Variants in WNK1 observed in about 807,000 individuals in gnomAD.
WNK1 encodes serine/threonine-protein kinase WNK1.
Under a neutral mutation model 222.8 loss-of-function variants are expected in WNK1, and 38 were observed. That is an observed-to-expected ratio of 0.17 (90% confidence interval 0.13 to 0.22). The LOEUF (loss-of-function observed/expected upper bound fraction) is 0.22, where lower values mean the gene tolerates loss of function less well. Among genes scored for constraint, WNK1 ranks in the 10% least tolerant of loss-of-function variants. The pLI is 1.00. For synonymous variants in WNK1, 1,090 were observed against 1,092.9 expected (o/e 1.00, Z 0.05); for missense variants, 2,348 against 2,918.4 (o/e 0.80, Z 4.50).
intron 4 of WNK1, among the ~76,000 whole-genome samples, chr12:832,353 G>T (rs764137080): frequency 6.6e-6 from 1 of 152,186 alleles, no homozygotes; most frequent in Non-Finnish European, 1.5e-5. Context: ...GGAATTACAG[G>T]CATGAGCCAG....
At chr12:810,717 C>T (rs897980984) in intron 1 of WNK1, among the ~76,000 whole-genome samples, 24 of 152,136 alleles carry the variant, frequency 1.6e-4, no homozygotes, top group Admixed American at 1.2e-3. Context: ...TTCTTAAAAG[C>T]AAGGGACGGA....
chr12:893,823 A>AATAATAATAATAATAATAATAAT (rs142028560), intron 22 of WNK1, among the ~76,000 whole-genome samples: 2 of 143,788 alleles, frequency 1.4e-5, no homozygotes, highest in Non-Finnish European at 3.0e-5. Context: ...ACTCCATCTC[A>AATAATAATAATAATAATAATAAT]AATAATAATA....
intron 1 of WNK1, among the ~76,000 whole-genome samples, chr12:798,144 G>T (rs67969314): frequency 0.63 from 95,899 of 151,348 alleles, 31,212 homozygotes; most frequent in East Asian, 0.87. Context: ...CTGCTTCCTG[G>T]TTTTCCTGTC....
chr12:829,496 A>G (rs1325244710), intron 3 of WNK1, among the ~76,000 whole-genome samples: 1 of 152,216 alleles, frequency 6.6e-6, no homozygotes, highest in African/African-American at 2.4e-5. Context: ...AAGTGAAACT[A>G]ATTAGATTGA....
Position 885,805 on chromosome 12 carries a change from C to T in WNK1, c.5001C>T (p.Ser1667=), listed in dbSNP as rs187067527. ...EKLRSLFSEH[S]SSGAQHASVS... ...TGCGGTCTCTGTTCAGTGAACACAG[C>T]TCATCTGGAGCTCAGCATGCCTCTG... is the stretch of plus-strand genomic sequence containing the variant. Residue 1667 remains serine (S), a synonymous_variant, in exon 19 of 28, where the codon AGC becomes AGT. Coordinates refer to ENST00000315939, the MANE Select transcript of WNK1 (RefSeq NM_018979.4). 171 of 1,614,218 alleles carry T rather than the reference C, an allele frequency of 1.1e-4. 1 individual carries two copies. In the East Asian group the frequency reaches 3.0e-3, roughly 28 times the overall value.
intron 8 of WNK1, among the ~76,000 whole-genome samples, chr12:863,636 A>T (rs912683689): frequency 5.3e-5 from 8 of 152,268 alleles, no homozygotes; most frequent in African/African-American, 1.9e-4. Context: ...GTAGAATGAC[A>T]TGAAGATATT....
chr12:793,188 C>G (rs1344826129), intron 1 of WNK1, among the ~76,000 whole-genome samples: 1 of 152,190 alleles, frequency 6.6e-6, no homozygotes, highest in Non-Finnish European at 1.5e-5. Context: ...GTAAAAATGA[C>G]TGTTACCAAA....
intron 1 of WNK1, among the ~76,000 whole-genome samples, chr12:803,931 TAAC>T (rs1236173256): frequency 7.9e-5 from 12 of 152,328 alleles, no homozygotes; most frequent in East Asian, 1.9e-4. Context: ...GATTAAATTA[TAAC>T]AACAATATTA....
At position 881,124 on chromosome 12, in the gene WNK1, C is replaced by A. The variant is rs935096888; in HGVS notation, c.3111+125C>A. On this transcript the variant is annotated intron_variant, in intron 12 of 27. Coordinates refer to ENST00000315939, the MANE Select transcript of WNK1 (RefSeq NM_018979.4). ...TTTGGAGACCATGTCAAACTAACTT[C>A]TGCATGACTTTTTCTTACAGCAGAA... 1.3e-5 allele frequency: 16 copies of A among 1,269,414 alleles called. No homozygotes were observed. In the African/African-American group the frequency reaches 2.2e-4, roughly 18 times the overall value. 78.6% of individuals were successfully genotyped at this position (1,269,414 alleles called of 1,614,324 possible).
chr12:761,943 A>G (rs1365554429), intron 1 of WNK1, among the ~76,000 whole-genome samples: 1 of 147,576 alleles, frequency 6.8e-6, no homozygotes, highest in Non-Finnish European at 1.5e-5. Context: ...GATTGGTTCC[A>G]GACAGCCCCC....
chr12:889,783 C>A (rs988928644), intron 21 of WNK1, among the ~76,000 whole-genome samples: 3 of 152,122 alleles, frequency 2.0e-5, no homozygotes, highest in Non-Finnish European at 4.4e-5. Context: ...TGCACCACTG[C>A]AGTCCAGCCT....
chr12:768,777 A>G (rs978042170), intron 1 of WNK1, among the ~76,000 whole-genome samples: 2 of 152,066 alleles, frequency 1.3e-5, no homozygotes, highest in African/African-American at 4.8e-5. Context: ...ATTACACAAT[A>G]TAATTTTTCC....
At chr12:764,651 AAAAG>A (rs1417242524) in intron 1 of WNK1, among the ~76,000 whole-genome samples, 2 of 144,324 alleles carry the variant, frequency 1.4e-5, no homozygotes, top group African/African-American at 2.5e-5. Context: ...AAAAAAAAAA[AAAAG>A]AAAGAAAAAT....
chr12:832,705 T>G (rs1948890260), intron 4 of WNK1, among the ~76,000 whole-genome samples: 1 of 152,248 alleles, frequency 6.6e-6, no homozygotes, highest in Non-Finnish European at 1.5e-5. Context: ...ATTAGGTGTA[T>G]GTCTACAAGT....
chr12:896,775 T>C, intron 24 of WNK1, 43 bp downstream of exon 24: 1 of 1,597,390 alleles, frequency 6.3e-7, no homozygotes, highest in Non-Finnish European at 8.5e-7. Context: ...GATAAGGTTT[T>C]CAGACCTAGA....
At chr12:796,065 G>A (rs771006859) in intron 1 of WNK1, among the ~76,000 whole-genome samples, 4 of 152,056 alleles carry the variant, frequency 2.6e-5, no homozygotes, top group Non-Finnish European at 1.5e-5. Context: ...GTAGAGACAG[G>A]GTTTCACCAT....
chr12:753,890 G>A lies in WNK1; in HGVS notation c.325G>A (p.Ala109Thr), dbSNP rs1939560021. The A allele has an allele frequency of 1.2e-6, 2 of 1,611,780 alleles. No homozygotes were observed. Among genetic ancestry groups the A allele is most frequent in the Non-Finnish European group, 1.7e-6 (2 of 1,179,572 alleles). ...PLSLPQPSIP[A>T]AVPQSAPPEP... ...TTCCCTGCCCCAGCCCAGCATCCCC[G>A]CGGCTGTCCCGCAGAGTGCTCCACC... Residue 109 changes from alanine to threonine, a missense_variant, in exon 1 of 28, where the codon GCG becomes ACG. Ala to Thr is a moderately conservative substitution (Grantham distance 58). Around this residue, in one of 13 missense-constraint regions of WNK1, gnomAD observed 185 missense variants for 159.2 expected, o/e 1.16. Coordinates refer to ENST00000315939, the MANE Select transcript of WNK1 (RefSeq NM_018979.4). The surrounding 1 kb of genome is among the most constrained non-coding windows in gnomAD (Gnocchi z 5.2).
chr12:824,216 C>G (rs78325734), intron 2 of WNK1, among the ~76,000 whole-genome samples: 1 of 126,128 alleles, frequency 7.9e-6, no homozygotes, highest in Admixed American at 8.0e-5. Flanking sequence ...GCAGAGACAT[C>G]TTTTTTTTTT....
At chr12:888,006 C>T (rs1288204164) in intron 20 of WNK1, among the ~76,000 whole-genome samples, 1 of 152,154 alleles carries the variant, frequency 6.6e-6, no homozygotes, top group Non-Finnish European at 1.5e-5. Context: ...TTCTCTTTCC[C>T]ACCGCAGTCC....
Sources: allele counts gnomAD v4.1 joint callset (sites outside exome capture counted in the v4.1 genomes callset), GRCh38; gene constraint gnomAD v4.1.1; regional missense constraint gnomAD v4.1.1; non-coding constraint Gnocchi (gnomAD v3.1); transcripts MANE v1.5; gene names NCBI Gene and HGNC (gene_info 2026-07-23, HGNC 2026-07-21).